Variants in EPHA2 observed in about 807,000 individuals in gnomAD.
EPHA2 encodes the protein ephrin type-A receptor 2.
A neutral mutation model predicts 104.9 loss-of-function variants in EPHA2; 54 were observed. That is an observed-to-expected ratio of 0.51 (90% CI 0.41 to 0.65). The LOEUF (loss-of-function observed/expected upper bound fraction) is 0.65. EPHA2 is among the 30% of genes least tolerant of loss of function. The pLI is 0.00. For synonymous variants in EPHA2, 560 were observed against 559.1 expected, an observed-to-expected ratio of 1.00 and a Z score of -0.02; for missense variants, 1,117 against 1,369.5, an observed-to-expected ratio of 0.82 and a Z score of 2.91.
At chr1:16,147,358 C>T (rs772798390) in intron 3 of EPHA2, among the ~76,000 whole-genome samples, 6 of 152,302 alleles carry the variant, frequency 3.9e-5, no homozygotes, top group African/African-American at 9.6e-5. Context: ...ACCTCTCCCT[C>T]AACAGAAGCA....
In EPHA2 at chr1:16,148,497, A is replaced by T; in HGVS notation, c.704T>A (p.Val235Glu). The T allele has an allele frequency of 6.2e-7, 1 of 1,613,810 alleles. No individual in the cohort carries two copies. The highest frequency in any genetic ancestry group is 1.1e-5 in the South Asian group (1 of 91,088). The change falls in exon 3 of 17, where the codon GTG becomes GAG. Residue 235 changes from valine (V) to glutamate (E), a missense_variant. Physicochemically the swap from Val to Glu is moderately radical, Grantham distance 121. Around this residue, in one of 3 missense-constraint regions of EPHA2, gnomAD observed 664 missense variants for 784.8 expected, o/e 0.85. Coordinates refer to ENST00000358432, the MANE Select transcript of EPHA2 (RefSeq NM_004431.5). This position sits in a 1 kb window ranked among gnomAD's most constrained non-coding sequence, Gnocchi z 4.9. ...GGGCTCTTCACCCCCCGGTGGCACC[A>T]CGGCATGGTCCACACAGGTGCCGGC... is the stretch of plus-strand genomic sequence containing the variant. ...TVAGTCVDHA[V>E]VPPGGEEPRM...
At chr1:16,138,243 G>A (rs1557508947) in intron 4 of EPHA2, 32 bp downstream of exon 4, 2 of 1,612,692 alleles carry the variant, frequency 1.2e-6, no homozygotes, top group African/African-American at 1.3e-5. Context: ...GTCACCCTCA[G>A]TCACGCCACC....
In EPHA2 at chr1:16,130,239, C is replaced by T. The variant is rs1192592301; in HGVS notation, c.2656G>A (p.Asp886Asn). The part of the protein sequence containing the change: ...RAPDSLKTLA[D>N]FDPRVSIRLP... The stretch of plus-strand genomic sequence containing the variant: ...CATAGAACTCACCGGGGGTCAAAGT[C>T]AGCCAGGGTCTTGAGGGAGTCAGGG... Residue 886 changes from aspartate (D) to asparagine (N), a missense_variant, in exon 15 of 17, where the codon GAC becomes AAC. This residue lies in a region of EPHA2 where 340 missense variants were observed against 480.5 expected (regional missense o/e 0.71). Transcript: ENST00000358432. The surrounding 1 kb of genome is among the most constrained non-coding windows in gnomAD (Gnocchi z 4.5). 1 of 1,614,070 alleles carries T rather than the reference C, an allele frequency of 6.2e-7. No homozygotes were observed. Among genetic ancestry groups the T allele is most frequent in the Non-Finnish European group, 8.5e-7 (1 of 1,180,024 alleles).
chr1:16,138,526 T>C (rs113964037), intron 3 of EPHA2, 96 bp from the exon 4 acceptor site: 514 of 1,564,012 alleles, frequency 3.3e-4, no homozygotes, highest in Admixed American at 6.6e-4. Context: ...ACCCCTGCCC[T>C]GCAAGCAGGT....
chr1:16,153,594 G>A (rs1424199327), intron 1 of EPHA2, among the ~76,000 whole-genome samples: 1 of 152,208 alleles, frequency 6.6e-6, no homozygotes, highest in Admixed American at 6.5e-5. Context: ...CAGCCAAGAA[G>A]CGGGATGCTC....
At chr1:16,127,466 GGACCA>G (rs2024491480) in intron 16 of EPHA2, among the ~76,000 whole-genome samples, 1 of 152,090 alleles carries the variant, frequency 6.6e-6, no homozygotes. Context: ...GGACCCCAGG[GGACCA>G]GGCAGCTGGT....
Position 16,148,818 on chromosome 1 carries a change from A to C in EPHA2, c.383T>G (p.Leu128Arg). Residue 128 changes from leucine (L) to arginine (R), a missense_variant, in exon 3 of 17, where the codon CTG becomes CGG. Physicochemically the swap from Leu to Arg is moderately radical, Grantham distance 102 (BLOSUM62 -2). Transcript: ENST00000358432. This position sits in a 1 kb window ranked among gnomAD's most constrained non-coding sequence, Gnocchi z 4.9. Reference protein sequence around the residue: ...TFNLYYAESDLDYGTNFQKRL... With the variant: ...TFNLYYAESDRDYGTNFQKRL... ...CTTCTGGAAGTTGGTGCCGTAGTCCAGGTCCGACTCGGCATAGTAGAGGTT... is the reference window on the plus strand; with the variant it reads ...CTTCTGGAAGTTGGTGCCGTAGTCCCGGTCCGACTCGGCATAGTAGAGGTT... The C allele has an allele frequency of 6.2e-7, 1 of 1,614,182 alleles. No individual in the cohort carries two copies. Among genetic ancestry groups the C allele is most frequent in the Non-Finnish European group, 8.5e-7 (1 of 1,180,036 alleles).
chr1:16,138,240 TCA>T, intron 4 of EPHA2, 33 bp downstream of exon 4: 1 of 1,612,692 alleles, frequency 6.2e-7, no homozygotes, highest in Non-Finnish European at 8.5e-7. Context: ...CACGTCACCC[TCA>T]GTCACGCCAC....
At chr1:16,142,986 T>A (rs1228760918) in intron 3 of EPHA2, among the ~76,000 whole-genome samples, 2 of 112,362 alleles carry the variant, frequency 1.8e-5, no homozygotes, top group African/African-American at 3.6e-5. Flanking sequence ...GAGGGATGAA[T>A]GGATGGATGG....
intron 3 of EPHA2, among the ~76,000 whole-genome samples, chr1:16,139,675 G>A (rs1420342201): frequency 5.3e-5 from 8 of 152,356 alleles, no homozygotes; most frequent in Non-Finnish European, 1.2e-4. Flanking sequence ...TTCAGCAGGG[G>A]AATGATAGAT....
Position 16,148,824 on chromosome 1 carries a change from G to C in EPHA2, c.377C>G (p.Ser126Trp). 1 of 1,614,126 alleles carries C rather than the reference G, an allele frequency of 6.2e-7. No homozygotes were observed. The highest frequency in any genetic ancestry group is 8.5e-7 in the Non-Finnish European group (1 of 1,180,046). The change falls in exon 3 of 17, where the codon TCG becomes TGG. Residue 126 changes from serine (S) to tryptophan (W), a missense_variant. Ser to Trp is a radical substitution (Grantham distance 177, BLOSUM62 -3). Coordinates refer to ENST00000358432, the MANE Select transcript of EPHA2 (RefSeq NM_004431.5). The surrounding 1 kb of genome is among the most constrained non-coding windows in gnomAD (Gnocchi z 4.9). ...KETFNLYYAE[S>W]DLDYGTNFQK... ...GAAGTTGGTGCCGTAGTCCAGGTCC[G>C]ACTCGGCATAGTAGAGGTTGAAAGT...
At position 16,132,232 on chromosome 1, in the gene EPHA2, C is replaced by T. The variant is rs2124201083; in HGVS notation, c.2157G>A (p.Met719Ile). The change falls in exon 13 of 17, where the codon ATG (methionine) becomes ATA (isoleucine). Residue 719 changes from methionine to isoleucine, a missense_variant. Met to Ile is a conservative substitution (Grantham distance 10). Coordinates refer to ENST00000358432, the MANE Select transcript of EPHA2 (RefSeq NM_004431.5). The part of the protein sequence containing the change: ...GEFSVLQLVG[M>I]LRGIAAGMKY... ...TCATGCCAGCTGCGATGCCCCGCAG[C>T]ATGCCCACCAGCTGCAGCACGCTGA... 6.2e-7 allele frequency: 1 copy of T among 1,614,194 alleles called. No homozygotes were observed.
chr1:16,132,090 C>T lies in EPHA2; in HGVS notation c.2299G>A (p.Asp767Asn), dbSNP rs779192494. Residue 767 changes from aspartate to asparagine, a missense_variant, in exon 13 of 17, where the codon GAC becomes AAC. By Grantham distance (23) the Asp-to-Asn change is conservative. This residue lies in a region of EPHA2 where 340 missense variants were observed against 480.5 expected (regional missense o/e 0.71). Coordinates refer to ENST00000358432, the MANE Select transcript of EPHA2 (RefSeq NM_004431.5). Reference sequence around the variant, plus strand: ...CTGGTGGTGTAGGTGGCCTCGGGGTCGTCCTCCAGCACGCGGGACAGGCCA... The same window carrying T: ...CTGGTGGTGTAGGTGGCCTCGGGGTTGTCCTCCAGCACGCGGGACAGGCCA... Reference protein sequence around the residue: ...DFGLSRVLEDDPEATYTTSGG... With the variant: ...DFGLSRVLEDNPEATYTTSGG... 8 of 1,614,064 alleles carry T rather than the reference C, an allele frequency of 5.0e-6. No homozygotes were observed. Among genetic ancestry groups the T allele is most frequent in the Middle Eastern group, 1.6e-4 (1 of 6,084 alleles).
chr1:16,141,724 G>A (rs954452637), intron 3 of EPHA2, among the ~76,000 whole-genome samples: 10 of 152,272 alleles, frequency 6.6e-5, no homozygotes, highest in African/African-American at 2.4e-4. Flanking sequence ...AGGAGGAAGT[G>A]GGGGAAGAGA....
At chr1:16,140,163 C>T (rs1242033742) in intron 3 of EPHA2, among the ~76,000 whole-genome samples, 7 of 152,220 alleles carry the variant, frequency 4.6e-5, no homozygotes, top group African/African-American at 1.7e-4. Context: ...CTGCTGATGA[C>T]TCTGCTCTCA....
chr1:16,134,383 C>G lies in EPHA2; in HGVS notation c.1682+85G>C, dbSNP rs1295236168. On this transcript the variant is annotated intron_variant, in intron 8 of 16. Transcript: ENST00000358432. The surrounding 1 kb of genome is among the most constrained non-coding windows in gnomAD (Gnocchi z 4.5). ...AGACTCGACTAGCATCCTGTGGGCCCCATCGTTCAGATGAGGAAATGGAGG... is the reference window on the plus strand; with the variant it reads ...AGACTCGACTAGCATCCTGTGGGCCGCATCGTTCAGATGAGGAAATGGAGG... The G allele has an allele frequency of 1.1e-5, 15 of 1,354,626 alleles. No homozygotes were observed. Among genetic ancestry groups the G allele is most frequent in the Non-Finnish European group, 1.6e-5 (15 of 956,610 alleles). 83.9% of individuals were successfully genotyped at this position (1,354,626 alleles called of 1,614,324 possible). A position where few individuals can be genotyped will look rare whatever the true frequency, so the allele number is the denominator to read the frequency against.
Position 16,131,884 on chromosome 1 carries a change from A to G in EPHA2, c.2326-14T>C. The stretch of plus-strand genomic sequence containing the variant: ...GATCTTGCCGCCCTGCAGGGAACCC[A>G]GGCCCAGTCACCACTGTGCCCTCTG... On this transcript the variant is annotated splice_polypyrimidine_tract_variant and intron_variant, in intron 13 of 16. Transcript: ENST00000358432. This position sits in a 1 kb window ranked among gnomAD's most constrained non-coding sequence, Gnocchi z 5.2. 6.2e-7 allele frequency: 1 copy of G among 1,612,612 alleles called. No individual in the cohort carries two copies. Among genetic ancestry groups the G allele is most frequent in the Non-Finnish European group, 8.5e-7 (1 of 1,179,356 alleles).
chr1:16,133,003 C>T (rs1351918991), intron 11 of EPHA2, 177 bp downstream of exon 11: 2 of 789,540 alleles, frequency 2.5e-6, no homozygotes, highest in Admixed American at 4.6e-5. Context: ...GGAAGGTGGG[C>T]ACAGGTGTTA....
Position 16,150,845 on chromosome 1 carries a change from G to A in EPHA2, c.153+51C>T. ...GCCTCAGTTTCTCCATCTCTACAGGGGACCAGCAGCCCCATTCTCACACCT... is the reference window on the plus strand; with the variant it reads ...GCCTCAGTTTCTCCATCTCTACAGGAGACCAGCAGCCCCATTCTCACACCT... On this transcript the variant is annotated intron_variant, in intron 2 of 16. Coordinates refer to ENST00000358432, the MANE Select transcript of EPHA2 (RefSeq NM_004431.5). The surrounding 1 kb of genome is among the most constrained non-coding windows in gnomAD (Gnocchi z 4.8). 6.2e-7 allele frequency: 1 copy of A among 1,601,266 alleles called. No homozygotes were observed. Among genetic ancestry groups the A allele is most frequent in the Non-Finnish European group, 8.6e-7 (1 of 1,168,546 alleles).
Sources: gnomAD v4.1 joint callset for allele counts (sites outside exome capture counted in the v4.1 genomes callset) on GRCh38, gnomAD v4.1.1 for gene constraint, gnomAD v4.1.1 regional missense constraint, Gnocchi (gnomAD v3.1) non-coding constraint, MANE v1.5 for transcripts, NCBI Gene and HGNC (gene_info 2026-07-23, HGNC 2026-07-21) for gene names.